Variants in FBXO40 observed in about 807,000 individuals in gnomAD.
The protein encoded by FBXO40 is F-box protein 40.
In FBXO40, 50 loss-of-function variants were observed where a neutral mutation model predicts 49.9. The observed-to-expected ratio is 1.00, with a 90% CI of 0.80 to 1.27. The LOEUF (loss-of-function observed/expected upper bound fraction) is 1.27. FBXO40 is among the 50% of genes most tolerant of loss of function. The pLI is 0.00. For synonymous variants in FBXO40, 340 were observed against 320.2 expected (o/e 1.06, Z -0.66); for missense variants, 895 against 870.1 (o/e 1.03, Z -0.36).
intron 1 of FBXO40, among the ~76,000 whole-genome samples, chr3:121,597,181 C>G (rs929135303): frequency 1.3e-5 from 2 of 152,194 alleles, no homozygotes; most frequent in Non-Finnish European, 2.9e-5. Context: ...TCAAGGACCA[C>G]ACTTTCCTTT....
chr3:121,617,267 C>T (rs2049002190), intron 1 of FBXO40, among the ~76,000 whole-genome samples: 1 of 152,098 alleles, frequency 6.6e-6, no homozygotes, highest in Non-Finnish European at 1.5e-5. Context: ...ATATCACATG[C>T]ACACCATAAA....
In FBXO40 at chr3:121,599,655, TACACACACACACACACATGC is replaced by T. The variant is rs1342617181; in HGVS notation, c.-31+6171_-31+6190del. ...ATATCAGAATCCATATTGTAGTGCATACACACACACACACACATGCACACACACACACACACACACACACA... is the reference window on the plus strand; with the variant it reads ...ATATCAGAATCCATATTGTAGTGCATACACACACACACACACACACACACA... On this transcript the variant is annotated intron_variant, in intron 1 of 3. Coordinates refer to ENST00000338040, the MANE Select transcript of FBXO40 (RefSeq NM_016298.4). 2.2e-3 allele frequency among the ~76,000 whole-genome samples: 285 copies of T among 127,726 alleles called. 1 individual carries two copies. Among genetic ancestry groups the T allele is most frequent in the African/African-American group, 7.7e-3 (256 of 33,416 alleles). 83.8% of individuals were successfully genotyped at this position (127,726 alleles called of 152,430 possible). A position where few individuals can be genotyped will look rare whatever the true frequency, so the allele number is the denominator to read the frequency against.
chr3:121,623,370 A>G (rs2049045120), intron 3 of FBXO40, 27 bp downstream of exon 3: 1 of 1,568,878 alleles, frequency 6.4e-7, no homozygotes, highest in Non-Finnish European at 8.7e-7. Context: ...TTATTGATTG[A>G]CTCATTCAGC....
intron 1 of FBXO40, among the ~76,000 whole-genome samples, chr3:121,611,256 A>G (rs569409134): frequency 2.0e-5 from 3 of 152,316 alleles, no homozygotes; most frequent in East Asian, 1.9e-4. Context: ...CTGCACCGGC[A>G]CCGGTCTCTG....
intron 1 of FBXO40, among the ~76,000 whole-genome samples, chr3:121,603,941 ATC>A (rs1185977690): frequency 6.6e-6 from 1 of 152,158 alleles, no homozygotes; most frequent in Admixed American, 6.5e-5. Flanking sequence ...GACGGTCTCG[ATC>A]TCTTGACCTG....
chr3:121,611,884 G>A (rs557899660), intron 1 of FBXO40, among the ~76,000 whole-genome samples: 32 of 152,306 alleles, frequency 2.1e-4, no homozygotes, highest in African/African-American at 6.5e-4. Context: ...AACAAGGCAC[G>A]TCCTGCACAG....
intron 1 of FBXO40, among the ~76,000 whole-genome samples, chr3:121,607,168 G>A (rs2048935884): frequency 6.6e-6 from 1 of 151,252 alleles, no homozygotes; most frequent in South Asian, 2.1e-4. Context: ...GGAAGGCTGA[G>A]GCAGGAGAAT....
At chr3:121,623,423 G>A (rs2049045462) in intron 3 of FBXO40, 80 bp downstream of exon 3, 1 of 1,267,642 alleles carries the variant, frequency 7.9e-7, no homozygotes, top group Admixed American at 2.3e-5. Context: ...TCTCTCTGTT[G>A]CCCAGGCAAA....
At chr3:121,610,363 A>C (rs934136700) in intron 1 of FBXO40, among the ~76,000 whole-genome samples, 7 of 152,184 alleles carry the variant, frequency 4.6e-5, no homozygotes, top group African/African-American at 1.4e-4. Flanking sequence ...CAGGGGCCTA[A>C]GTTTGCTTTT....
chr3:121,622,573 G>A lies in FBXO40; in HGVS notation c.1144G>A (p.Asp382Asn). ...TGAACACAAGGCAGTGGATACTTCA[G>A]ATTTGGGGATCACTGTGGAGGACCT... ...PSEHKAVDTSDLGITVEDLPK... is the reference protein window; with the variant it reads ...PSEHKAVDTSNLGITVEDLPK... Residue 382 changes from aspartate (D) to asparagine (N), a missense_variant, in exon 3 of 4, where the codon GAT (aspartate) becomes AAT (asparagine). Coordinates refer to ENST00000338040, the MANE Select transcript of FBXO40 (RefSeq NM_016298.4). 1 of 1,614,218 alleles carries A rather than the reference G, an allele frequency of 6.2e-7. No homozygotes were observed. Among genetic ancestry groups the A allele is most frequent in the Non-Finnish European group, 8.5e-7 (1 of 1,180,052 alleles).
chr3:121,618,339 T>G (rs2049009765), intron 1 of FBXO40, among the ~76,000 whole-genome samples: 1 of 151,660 alleles, frequency 6.6e-6, no homozygotes, highest in Non-Finnish European at 1.5e-5. Context: ...GCTGAAGTAC[T>G]TAGGGATAAA....
chr3:121,622,402 C>A lies in FBXO40; in HGVS notation c.973C>A (p.Pro325Thr). 1 of 1,614,198 alleles carries A rather than the reference C, an allele frequency of 6.2e-7. No individual in the cohort carries two copies. The change falls in exon 3 of 4, where the codon CCT (proline) becomes ACT (threonine). Residue 325 changes from proline to threonine, a missense_variant. Physicochemically the swap from Pro to Thr is conservative, Grantham distance 38. Coordinates refer to ENST00000338040, the MANE Select transcript of FBXO40 (RefSeq NM_016298.4). ...GATGCTGATACACTTTGGTCAGATG[C>A]CTGCTTGTACACCCAAGGAGAGAGA... ...GRMLIHFGQM[P>T]ACTPKERDFV...
chr3:121,612,212 T>G (rs1192482228), intron 1 of FBXO40, among the ~76,000 whole-genome samples: 1 of 152,188 alleles, frequency 6.6e-6, no homozygotes, highest in Non-Finnish European at 1.5e-5. Context: ...AGGGTACATG[T>G]ACCCATAGAG....
Position 121,611,409 on chromosome 3 carries a change from G to T in FBXO40, c.-30-9137G>T, listed in dbSNP as rs533123032. The stretch of plus-strand genomic sequence containing the variant: ...ATGTCATAATGAAGTTCAAGGGATG[G>T]TACTATACCTGGATGTGCACGTAGG... On this transcript the variant is annotated intron_variant, in intron 1 of 3. Coordinates refer to ENST00000338040, the MANE Select transcript of FBXO40 (RefSeq NM_016298.4). Among the ~76,000 whole-genome samples, 408 of 152,034 alleles carry T rather than the reference G, an allele frequency of 2.7e-3. 3 individuals carry two copies. The highest frequency in any genetic ancestry group is 3.4e-3 in the Non-Finnish European group (233 of 67,892).
intron 1 of FBXO40, among the ~76,000 whole-genome samples, chr3:121,598,899 C>A (rs989393692): frequency 6.6e-6 from 1 of 152,154 alleles, no homozygotes; most frequent in African/African-American, 2.4e-5. Context: ...GTGCTAAATG[C>A]TTCCCTATTT....
At chr3:121,597,022 G>A (rs760982355) in intron 1 of FBXO40, among the ~76,000 whole-genome samples, 13 of 151,918 alleles carry the variant, frequency 8.6e-5, no homozygotes, top group Non-Finnish European at 8.8e-5. Flanking sequence ...TTGATATTCC[G>A]GTCAGACCTC....
intron 1 of FBXO40, among the ~76,000 whole-genome samples, chr3:121,602,848 G>A (rs1047403920): frequency 1.6e-4 from 25 of 151,932 alleles, no homozygotes; most frequent in Non-Finnish European, 2.6e-4. Context: ...TGCATGTTAA[G>A]AGATCAGTAG....
intron 1 of FBXO40, among the ~76,000 whole-genome samples, chr3:121,606,847 TGAA>T (rs1489281147): frequency 6.6e-5 from 10 of 152,132 alleles, no homozygotes; most frequent in Non-Finnish European, 1.5e-5. Flanking sequence ...CCATGCAGAA[TGAA>T]GATGATATTG....
In FBXO40 at chr3:121,627,474, G is replaced by C; in HGVS notation, c.*564G>C. 1 of 177,596 alleles carries C rather than the reference G, an allele frequency of 5.6e-6. No homozygotes were observed. Among genetic ancestry groups the C allele is most frequent in the Non-Finnish European group, 1.2e-5 (1 of 85,442 alleles). 11.0% of individuals were successfully genotyped at this position (177,596 alleles called of 1,614,324 possible). A position where few individuals can be genotyped will look rare whatever the true frequency, so the allele number is the denominator to read the frequency against. On this transcript the variant is annotated 3_prime_UTR_variant, in exon 4 of 4. Transcript: ENST00000338040. ...GGCCAGGGTAGTCCTAACACAGCCTGACATAGGAGAGCCCCTGGCTGAGCA... is the reference window on the plus strand; with the variant it reads ...GGCCAGGGTAGTCCTAACACAGCCTCACATAGGAGAGCCCCTGGCTGAGCA...
Sources: allele counts gnomAD v4.1 joint callset (sites outside exome capture counted in the v4.1 genomes callset), GRCh38; gene constraint gnomAD v4.1.1; transcripts MANE v1.5; gene names NCBI Gene and HGNC (gene_info 2026-07-23, HGNC 2026-07-21).